Variants in MAN1A1 observed in about 807,000 individuals in gnomAD.
MAN1A1 encodes the protein mannosyl-oligosaccharide 1,2-alpha-mannosidase IA.
MAN1A1 carries 29 observed loss-of-function variants against 70.8 expected under a neutral mutation model. The observed-to-expected ratio is 0.41, with a 90% CI of 0.31 to 0.56. The LOEUF (loss-of-function observed/expected upper bound fraction) is 0.56. Ranked by LOEUF, MAN1A1 falls within the 20% of genes least tolerant of loss-of-function variation. The pLI, the probability that MAN1A1 is intolerant of heterozygous loss-of-function variation, is 0.29. For synonymous variants in MAN1A1, 349 were observed against 330.1 expected, an observed-to-expected ratio of 1.06 and a Z score of -0.62; for missense variants, 747 against 841.3, an observed-to-expected ratio of 0.89 and a Z score of 1.39.
chr6:119,349,312 G>A (rs1396949891), intron 1 of MAN1A1, 25 bp from the exon 2 acceptor site: 25 of 1,186,810 alleles, frequency 2.1e-5, no homozygotes, highest in Admixed American at 4.5e-5. Context: ...ACAGTAAAAC[G>A]TAGTAATTAC....
intron 5 of MAN1A1, among the ~76,000 whole-genome samples, chr6:119,281,794 T>C (rs1286202240): frequency 6.6e-6 from 1 of 152,136 alleles, no homozygotes; most frequent in East Asian, 1.9e-4. Context: ...CGGTGGCTCA[T>C]ACCTCTAATC....
chr6:119,286,104 T>C (rs1441569058), intron 5 of MAN1A1, among the ~76,000 whole-genome samples: 1 of 152,142 alleles, frequency 6.6e-6, no homozygotes. Flanking sequence ...GTTTGAATCA[T>C]ACACATTTTC....
intron 9 of MAN1A1, among the ~76,000 whole-genome samples, chr6:119,192,345 T>C (rs938429246): frequency 6.6e-6 from 1 of 152,190 alleles, no homozygotes; most frequent in African/African-American, 2.4e-5. Flanking sequence ...GATCATATCC[T>C]AGTTTGCTTT....
chr6:119,259,383 A>G (rs887603716), intron 5 of MAN1A1, among the ~76,000 whole-genome samples: 2 of 152,190 alleles, frequency 1.3e-5, no homozygotes, highest in African/African-American at 2.4e-5. Flanking sequence ...ATTAATTACC[A>G]TATTATGTAG....
chr6:119,336,697 T>C (rs1210646925), intron 2 of MAN1A1, among the ~76,000 whole-genome samples: 1 of 152,234 alleles, frequency 6.6e-6, no homozygotes, highest in Non-Finnish European at 1.5e-5. Context: ...GTTTATGTAA[T>C]TCTGATTTCT....
intron 3 of MAN1A1, among the ~76,000 whole-genome samples, 159 bp from the exon 4 acceptor site, chr6:119,302,262 A>C (rs1406904634): frequency 6.6e-6 from 1 of 152,238 alleles, no homozygotes. Flanking sequence ...ATAAAACAGC[A>C]CCAAACTAAA....
intron 11 of MAN1A1, among the ~76,000 whole-genome samples, chr6:119,188,091 C>T (rs1415619306): frequency 6.6e-6 from 1 of 152,116 alleles, no homozygotes; most frequent in Non-Finnish European, 1.5e-5. Flanking sequence ...CCCAAGCTGC[C>T]AACAACCCTT....
rs568665418 is a variant in MAN1A1, at chr6:119,214,501, A to T, written c.993-9619T>A. On this transcript the variant is annotated intron_variant, in intron 6 of 12. Transcript: ENST00000368468. ...ATTGTAAAATGCAAAAAGTAAAAAC[A>T]TCACTATGGTATTTTGTATTTTTGT... Among the ~76,000 whole-genome samples, 276 of 152,288 alleles carry T rather than the reference A, an allele frequency of 1.8e-3. 2 individuals carry two copies. The highest frequency in any genetic ancestry group is 6.4e-3 in the African/African-American group (267 of 41,568).
rs180932854 is a variant in MAN1A1, at chr6:119,186,114, C to T, written c.1719+2291G>A. Among the ~76,000 whole-genome samples, 30 of 152,176 alleles carry T rather than the reference C, an allele frequency of 2.0e-4. 1 individual carries two copies. The East Asian group carries it at 5.0e-3, about 26-fold the overall frequency. On this transcript the variant is annotated intron_variant, in intron 11 of 12. Coordinates refer to ENST00000368468, the MANE Select transcript of MAN1A1 (RefSeq NM_005907.4). ...CCTCTGGTACCCCCAGAGCACAGAA[C>T]ACTGTAAATTGTGGCTTCAAAATAA...
intron 6 of MAN1A1, among the ~76,000 whole-genome samples, chr6:119,245,495 T>C (rs554956900): frequency 2.0e-5 from 3 of 152,260 alleles, no homozygotes; most frequent in East Asian, 3.9e-4. Context: ...ATGTCGCTTC[T>C]TGCCCTACAG....
chr6:119,300,945 G>A (rs9320686), intron 4 of MAN1A1, among the ~76,000 whole-genome samples: 57,461 of 151,992 alleles, frequency 0.38, 11,337 homozygotes, highest in Non-Finnish European at 0.41. Context: ...GAAATAGATG[G>A]GGGAAAGACT....
chr6:119,279,436 G>A (rs1473162513), intron 5 of MAN1A1, among the ~76,000 whole-genome samples: 2 of 152,172 alleles, frequency 1.3e-5, no homozygotes, highest in Non-Finnish European at 2.9e-5. Flanking sequence ...TACCTAAAGT[G>A]CCGAACACTG....
chr6:119,265,181 GCCTTGAA>G (rs1775719682), intron 5 of MAN1A1, among the ~76,000 whole-genome samples: 2 of 151,250 alleles, frequency 1.3e-5, no homozygotes, highest in African/African-American at 2.4e-5. Context: ...GCTCACTGTA[GCCTTGAA>G]AGCCTAGGCT....
At chr6:119,234,128 T>C (rs529827467) in intron 6 of MAN1A1, among the ~76,000 whole-genome samples, 1 of 152,222 alleles carries the variant, frequency 6.6e-6, no homozygotes. Flanking sequence ...AACAACACAC[T>C]TGATCTCCCA....
chr6:119,252,201 G>A lies in MAN1A1; in HGVS notation c.898-3847C>T, dbSNP rs556878855. Among the ~76,000 whole-genome samples, 5 of 152,286 alleles carry A rather than the reference G, an allele frequency of 3.3e-5. No homozygotes were observed. The South Asian group carries it at 8.3e-4, about 25-fold the overall frequency. On this transcript the variant is annotated intron_variant, in intron 5 of 12. Coordinates refer to ENST00000368468, the MANE Select transcript of MAN1A1 (RefSeq NM_005907.4). ...GATTAATGATTAGGTGGGCACAAAAGTAATTGTGGTTTTTGCATTGTTGGA... is the reference window on the plus strand; with the variant it reads ...GATTAATGATTAGGTGGGCACAAAAATAATTGTGGTTTTTGCATTGTTGGA...
At chr6:119,195,411 C>T (rs959260626) in intron 8 of MAN1A1, among the ~76,000 whole-genome samples, 1 of 152,094 alleles carries the variant, frequency 6.6e-6, no homozygotes, top group African/African-American at 2.4e-5. Context: ...TGAAATGGAC[C>T]CTAGGACCCC....
At chr6:119,324,411 T>C in intron 2 of MAN1A1, among the ~76,000 whole-genome samples, 1 of 152,032 alleles carries the variant, frequency 6.6e-6, no homozygotes, top group South Asian at 2.1e-4. Flanking sequence ...TAGTTAAGTT[T>C]GGGGGGGAAT....
At chr6:119,219,376 T>G (rs1774295286) in intron 6 of MAN1A1, among the ~76,000 whole-genome samples, 1 of 152,134 alleles carries the variant, frequency 6.6e-6, no homozygotes, top group Non-Finnish European at 1.5e-5. Flanking sequence ...AATTTTCAGG[T>G]GTTATCTTGG....
intron 11 of MAN1A1, among the ~76,000 whole-genome samples, chr6:119,182,296 C>T (rs1417185501): frequency 6.6e-6 from 1 of 152,104 alleles, no homozygotes; most frequent in South Asian, 2.1e-4. Context: ...ATGGTTTGCA[C>T]ACATTTTTGT....
Sources: allele counts gnomAD v4.1 joint callset (sites outside exome capture counted in the v4.1 genomes callset), GRCh38; gene constraint gnomAD v4.1.1; transcripts MANE v1.5; gene names NCBI Gene and HGNC (gene_info 2026-07-23, HGNC 2026-07-21).